UGT1A8: variants seen among roughly 807,000 people sequenced by gnomAD.
UGT1A8 encodes the protein UDP glucuronosyltransferase family 1 member A8, also known as UDP-glucuronosyltransferase 1A8.
UGT1A8 carries 39 observed loss-of-function variants against 45.3 expected under a neutral mutation model. That is an observed-to-expected ratio of 0.86 (90% CI 0.67 to 1.12). The LOEUF is 1.12. Ranked by LOEUF, UGT1A8 falls within the 50% of genes most tolerant of loss-of-function variation. The pLI is 0.00. For synonymous variants in UGT1A8, 275 were observed against 249.2 expected (o/e 1.10, Z -0.97); for missense variants, 719 against 664.9 (o/e 1.08, Z -0.90).
At chr2:233,638,708 T>C (rs1412122523) in intron 1 of UGT1A8, among the ~76,000 whole-genome samples, 1 of 152,214 alleles carries the variant, frequency 6.6e-6, no homozygotes, top group African/African-American at 2.4e-5. Context: ...ATTGTTCTGG[T>C]TTCTTACAAG....
intron 1 of UGT1A8, chr2:233,753,671 C>T (rs1245281633): frequency 2.0e-5 from 3 of 152,212 alleles, no homozygotes; most frequent in Admixed American, 6.5e-5. Flanking sequence ...GTGTATGGTG[C>T]CTCACCCAAA....
At chr2:233,742,895 G>A (rs1191973216) in intron 1 of UGT1A8, 1 of 164,996 alleles carries the variant, frequency 6.1e-6, no homozygotes, top group African/African-American at 2.4e-5. Flanking sequence ...TTTCCCAACG[G>A]AAAAAGGTAA....
chr2:233,755,056 T>C (rs550232994), intron 1 of UGT1A8: 129 of 1,333,538 alleles, frequency 9.7e-5, no homozygotes, highest in African/African-American at 8.9e-4. Flanking sequence ...CCCTCCGCCC[T>C]CGCCTCGCCA....
chr2:233,704,354 C>A (rs11683974), intron 1 of UGT1A8, among the ~76,000 whole-genome samples: 1 of 147,722 alleles, frequency 6.8e-6, no homozygotes, highest in Admixed American at 6.8e-5. Context: ...GTGTTCTGAG[C>A]GGTTGTTCTA....
rs955294394 is a variant in UGT1A8 at position 233,634,912 on chromosome 2, T to C, written c.855+16350T>C. On this transcript the variant is annotated intron_variant, in intron 1 of 4. Coordinates refer to ENST00000373450, the MANE Select transcript of UGT1A8 (RefSeq NM_019076.5). ...TTTATAGTGTCAATTGTCCTGACAA[T>C]TGGGTATGTTTGTGCAGTGGCTGGT... 3.1e-4 allele frequency among the ~76,000 whole-genome samples: 47 copies of C among 150,872 alleles called. 6 individuals are homozygous for C. The highest frequency in any genetic ancestry group is 1.1e-3 in the African/African-American group (46 of 40,726).
At chr2:233,644,760 G>A (rs2073555137) in intron 1 of UGT1A8, among the ~76,000 whole-genome samples, 1 of 152,026 alleles carries the variant, frequency 6.6e-6, no homozygotes, top group South Asian at 2.1e-4. Flanking sequence ...GGTGACATAG[G>A]AGATGCAGAA....
rs778871425 is a variant in UGT1A8, at chr2:233,618,282, G to C, written c.575G>C (p.Arg192Thr). The change falls in exon 1 of 5, where the codon AGA becomes ACA. Residue 192 changes from arginine (R) to threonine (T), a missense_variant. Coordinates refer to ENST00000373450, the MANE Select transcript of UGT1A8 (RefSeq NM_019076.5). ...CCTGCTCCTCTTTCCTATGTCCCCA[G>C]AATTCTCTTAGGGTTCTCAGATGCC... ...QCPAPLSYVP[R>T]ILLGFSDAMT... 3.1e-6 allele frequency: 5 copies of C among 1,613,882 alleles called. No individual in the cohort carries two copies. Among genetic ancestry groups the C allele is most frequent in the Non-Finnish European group, 4.2e-6 (5 of 1,179,840 alleles).
chr2:233,718,746 T>C (rs2076680483), intron 1 of UGT1A8: 1 of 1,612,108 alleles, frequency 6.2e-7, no homozygotes, highest in Admixed American at 1.7e-5. Flanking sequence ...AATGACAAGG[T>C]AATTAAGGCG....
intron 1 of UGT1A8, among the ~76,000 whole-genome samples, chr2:233,649,817 T>C (rs1218124530): frequency 6.6e-6 from 1 of 152,164 alleles, no homozygotes; most frequent in Non-Finnish European, 1.5e-5. Flanking sequence ...GTTACCATGA[T>C]GTTTGGTCTT....
Position 233,691,334 on chromosome 2 carries a change from T to A in UGT1A8, c.855+72772T>A, listed in dbSNP as rs1046553363. 5 of 985,462 alleles carry A rather than the reference T, an allele frequency of 5.1e-6. No individual in the cohort carries two copies. The African/African-American group carries it at 8.7e-5, about 17-fold the overall frequency. 61.0% of individuals were successfully genotyped at this position (985,462 alleles called of 1,614,324 possible). On this transcript the variant is annotated intron_variant, in intron 1 of 4. Transcript: ENST00000373450. ...AGGCTGCTCCCAGCTTGGACTGAGC[T>A]GAGTCTTCGCATGCCTTGAACAATG...
intron 4 of UGT1A8, chr2:233,770,393 C>G (rs1386962280): frequency 3.3e-5 from 5 of 152,162 alleles, no homozygotes; most frequent in Admixed American, 3.3e-4. Context: ...GTGGCTCATG[C>G]CTGTAGTCCC....
At chr2:233,663,435 C>T (rs2074013734) in intron 1 of UGT1A8, among the ~76,000 whole-genome samples, 1 of 151,878 alleles carries the variant, frequency 6.6e-6, no homozygotes, top group African/African-American at 2.4e-5. Context: ...TGAATCAGTT[C>T]CTGGGTGGGG....
At chr2:233,627,778 G>A (rs1450928002) in intron 1 of UGT1A8, among the ~76,000 whole-genome samples, 7 of 151,714 alleles carry the variant, frequency 4.6e-5, no homozygotes, top group Non-Finnish European at 1.0e-4. Context: ...TCCCAATCAA[G>A]CAATTCGACT....
At chr2:233,761,149 C>G (rs1575779799) in intron 1 of UGT1A8, 1 of 1,614,176 alleles carries the variant, frequency 6.2e-7, no homozygotes, top group East Asian at 2.2e-5. Context: ...TCCACTATCC[C>G]AGGTGTGTAT....
At chr2:233,770,756 T>C (rs1700148288) in intron 4 of UGT1A8, 1 of 152,202 alleles carries the variant, frequency 6.6e-6, no homozygotes, top group Non-Finnish European at 1.5e-5. Context: ...AGTACTAATA[T>C]TACATTATAA....
In UGT1A8 at chr2:233,760,701, C is replaced by G. The variant is rs768185321; in HGVS notation, c.856-6333C>G. 6.8e-6 allele frequency: 11 copies of G among 1,614,172 alleles called. No individual in the cohort carries two copies. In the Admixed American group the frequency reaches 1.8e-4, roughly 27 times the overall value. ...TACTGCACAACAAGGAGCTCATGGCCTCCCTGGCAGAAAGCAGCTTTGATG... is the reference window on the plus strand; with the variant it reads ...TACTGCACAACAAGGAGCTCATGGCGTCCCTGGCAGAAAGCAGCTTTGATG... On this transcript the variant is annotated intron_variant, in intron 1 of 4. Transcript: ENST00000373450.
At chr2:233,702,428 C>A (rs1245005959) in intron 1 of UGT1A8, among the ~76,000 whole-genome samples, 1 of 152,062 alleles carries the variant, frequency 6.6e-6, no homozygotes, top group African/African-American at 2.4e-5. Context: ...TTACTTCTTC[C>A]TTTCTAATAA....
At chr2:233,770,071 ATTC>A (rs1346170672) in intron 4 of UGT1A8, 1 of 153,458 alleles carries the variant, frequency 6.5e-6, no homozygotes, top group Non-Finnish European at 1.5e-5. Context: ...TATAATTTTG[ATTC>A]TTTCTTCAGT....
intron 1 of UGT1A8, among the ~76,000 whole-genome samples, chr2:233,629,608 T>A (rs1362551984): frequency 2.6e-5 from 4 of 152,032 alleles, no homozygotes; most frequent in African/African-American, 7.2e-5. Context: ...CTTTTTCTGG[T>A]TTTGGTACTG....
Sources: allele counts gnomAD v4.1 joint callset (sites outside exome capture counted in the v4.1 genomes callset), GRCh38; gene constraint gnomAD v4.1.1; transcripts MANE v1.5; gene names NCBI Gene and HGNC (gene_info 2026-07-23, HGNC 2026-07-21).